TDRP: variants seen among roughly 807,000 people sequenced by gnomAD.
TDRP encodes testis development-related protein.
TDRP carries 12 observed loss-of-function variants against 10.5 expected under a neutral mutation model. That is an observed-to-expected ratio of 1.15 (90% CI 0.73 to 1.86). TDRP has a LOEUF of 1.86. Among genes scored for constraint, TDRP ranks in the 40% most tolerant of loss-of-function variants. The pLI, the probability that TDRP is intolerant of heterozygous loss-of-function variation, is 0.00. For missense variants in TDRP, 353 were observed against 229.2 expected, an observed-to-expected ratio of 1.54 and a Z score of -3.49; for synonymous variants, 139 against 95.4, an observed-to-expected ratio of 1.46 and a Z score of -2.67.
In TDRP at chr8:492,307, T is replaced by C. The variant is rs899582523; in HGVS notation, c.*92A>G. 3.6e-6 allele frequency: 5 copies of C among 1,377,952 alleles called. No individual in the cohort carries two copies. Among genetic ancestry groups the C allele is most frequent in the Non-Finnish European group, 4.7e-6 (5 of 1,062,966 alleles). The allele number at this position is 1,377,952 out of a possible 1,614,324, so 85.4% of individuals were successfully genotyped here. ...TCAAATATAGGCAAAAAGTAGACTC[T>C]CTATTCTTTCTAACGCGGAAAAGAC... is the stretch of plus-strand genomic sequence containing the variant. On this transcript the variant is annotated 3_prime_UTR_variant, in exon 3 of 3. Coordinates refer to ENST00000324079, the MANE Select transcript of TDRP (RefSeq NM_001384899.1).
chr8:500,301 C>T (rs377580215), intron 1 of TDRP, among the ~76,000 whole-genome samples: 10 of 152,258 alleles, frequency 6.6e-5, no homozygotes, highest in African/African-American at 1.4e-4. Flanking sequence ...TTAGGTTAAA[C>T]GGCAGTGTCT....
At chr8:542,580 AC>A (rs1802527096) in intron 1 of TDRP, among the ~76,000 whole-genome samples, 1 of 152,130 alleles carries the variant, frequency 6.6e-6, no homozygotes, top group South Asian at 2.1e-4. Context: ...TGTACAGATA[AC>A]AGGCCAGGCG....
chr8:511,043 A>C (rs1211105292), intron 1 of TDRP, among the ~76,000 whole-genome samples: 1 of 152,226 alleles, frequency 6.6e-6, no homozygotes, highest in Non-Finnish European at 1.5e-5. Context: ...AAAAATATAC[A>C]CAATGCAAAA....
Position 531,846 on chromosome 8 carries a change from T to A in TDRP, c.108+12804A>T, listed in dbSNP as rs185908024. 2.3e-3 allele frequency among the ~76,000 whole-genome samples: 349 copies of A among 152,266 alleles called. 1 individual carries two copies. Among genetic ancestry groups the A allele is most frequent in the Non-Finnish European group, 3.2e-3 (216 of 68,018 alleles). On this transcript the variant is annotated intron_variant, in intron 1 of 2. Transcript: ENST00000324079. ...AGATGTGAGTAGTTACAAGAAAACA[T>A]TGAATCACACCACATATTATTTCAA...
At position 544,665 on chromosome 8, in the gene TDRP, G is replaced by A. The variant is rs539456513; in HGVS notation, c.93C>T (p.Ala31=). The A allele has an allele frequency of 6.6e-4, 766 of 1,162,144 alleles. 4 individuals carry two copies. The East Asian group carries it at 0.025, about 39-fold the overall frequency. 72.0% of individuals were successfully genotyped at this position (1,162,144 alleles called of 1,614,324 possible). A position where few individuals can be genotyped will look rare whatever the true frequency, so the allele number is the denominator to read the frequency against. ...LRGGPPPAAA[A]AAQAQVQGAS... ...ACCCCCTCACCTGCGCCTGGGCGGCGGCGGCGGCGGCCGGTGGCGGCCCCC... is the reference window on the plus strand; with the variant it reads ...ACCCCCTCACCTGCGCCTGGGCGGCAGCGGCGGCGGCCGGTGGCGGCCCCC... The change falls in exon 1 of 3, where the codon GCC becomes GCT. Residue 31 remains alanine (A), a synonymous_variant. Transcript: ENST00000324079.
intron 1 of TDRP, among the ~76,000 whole-genome samples, chr8:531,034 C>T (rs1223959297): frequency 6.6e-6 from 1 of 152,284 alleles, no homozygotes; most frequent in Non-Finnish European, 1.5e-5. Context: ...GAGACAGAAA[C>T]CAGTCCATCA....
intron 1 of TDRP, among the ~76,000 whole-genome samples, chr8:497,401 G>A (rs191557992): frequency 1.7e-3 from 266 of 152,316 alleles, no homozygotes; most frequent in Middle Eastern, 0.01. Context: ...GTGGAACCTT[G>A]AACTAGAGGG....
At chr8:494,361 G>A in intron 2 of TDRP, 133 bp downstream of exon 2, 1 of 748,016 alleles carries the variant, frequency 1.3e-6, no homozygotes, top group Non-Finnish European at 2.2e-6. Context: ...AGTGGGGAGG[G>A]AAACATGGAC....
chr8:518,477 A>G (rs1255575792), intron 1 of TDRP, among the ~76,000 whole-genome samples: 1 of 152,200 alleles, frequency 6.6e-6, no homozygotes, highest in African/African-American at 2.4e-5. Flanking sequence ...AGAACAAAGA[A>G]AACAGATGGA....
intron 1 of TDRP, among the ~76,000 whole-genome samples, chr8:496,097 T>C (rs1192214459): frequency 1.3e-5 from 2 of 152,132 alleles, no homozygotes; most frequent in Non-Finnish European, 1.5e-5. Flanking sequence ...AGGTATCAGC[T>C]TTCCACATCA....
At chr8:530,059 T>A (rs976588387) in intron 1 of TDRP, among the ~76,000 whole-genome samples, 2 of 150,148 alleles carry the variant, frequency 1.3e-5, no homozygotes, top group East Asian at 3.9e-4. Flanking sequence ...TTACTTTTCA[T>A]TTTTTTTTTC....
At chr8:507,661 G>T (rs1801503051) in intron 1 of TDRP, among the ~76,000 whole-genome samples, 1 of 152,140 alleles carries the variant, frequency 6.6e-6, no homozygotes, top group African/African-American at 2.4e-5. Flanking sequence ...CTGGGGGCAG[G>T]GTGGAGAATT....
At chr8:533,777 G>C (rs1374801453) in intron 1 of TDRP, among the ~76,000 whole-genome samples, 1 of 152,096 alleles carries the variant, frequency 6.6e-6, no homozygotes, top group African/African-American at 2.4e-5. Flanking sequence ...GAAGAAAAAA[G>C]GGAAGTATAT....
chr8:530,381 C>G (rs1324530850), intron 1 of TDRP, among the ~76,000 whole-genome samples: 1 of 152,068 alleles, frequency 6.6e-6, no homozygotes, highest in Non-Finnish European at 1.5e-5. Context: ...TTATTTTGTT[C>G]CATTAATTGG....
intron 1 of TDRP, among the ~76,000 whole-genome samples, chr8:539,999 T>C (rs937264946): frequency 6.6e-6 from 1 of 152,234 alleles, no homozygotes; most frequent in Non-Finnish European, 1.5e-5. Context: ...TTCTGAGTTT[T>C]GTTTAGAAAG....
chr8:538,722 G>C (rs1050811078), intron 1 of TDRP, among the ~76,000 whole-genome samples: 5 of 152,172 alleles, frequency 3.3e-5, no homozygotes, highest in African/African-American at 1.2e-4. Flanking sequence ...GACTGGGGGA[G>C]AAGTCTTTAG....
At chr8:519,360 C>T (rs941937509) in intron 1 of TDRP, among the ~76,000 whole-genome samples, 1 of 152,104 alleles carries the variant, frequency 6.6e-6, no homozygotes, top group Non-Finnish European at 1.5e-5. Flanking sequence ...GTTCTGTAAA[C>T]TATTGGACAT....
chr8:494,044 T>C (rs1294579144), intron 2 of TDRP, among the ~76,000 whole-genome samples: 2 of 142,160 alleles, frequency 1.4e-5, no homozygotes, highest in Non-Finnish European at 1.5e-5. Context: ...TGCCTCCGTC[T>C]CCCACAGGTT....
intron 1 of TDRP, among the ~76,000 whole-genome samples, chr8:522,797 GAC>G (rs1269433189): frequency 1.3e-5 from 2 of 152,096 alleles, no homozygotes; most frequent in Non-Finnish European, 2.9e-5. Context: ...TGTGTTTTGT[GAC>G]AGTTTTTGAC....
Sources: allele counts gnomAD v4.1 joint callset (sites outside exome capture counted in the v4.1 genomes callset), GRCh38; gene constraint gnomAD v4.1.1; transcripts MANE v1.5; gene names NCBI Gene and HGNC (gene_info 2026-07-23, HGNC 2026-07-21).